Variants in ZNF492 observed in about 807,000 individuals in gnomAD.
ZNF492 encodes zinc finger protein 492.
In ZNF492, 3 loss-of-function variants were observed where a neutral mutation model predicts 6.4. That is an observed-to-expected ratio of 0.47 (90% confidence interval 0.21 to 1.22). ZNF492 has a LOEUF of 1.22. Among genes scored for constraint, ZNF492 ranks in the 50% most tolerant of loss-of-function variants. ZNF492 has a pLI of 0.22. For missense variants in ZNF492, 356 were observed against 612.5 expected, an observed-to-expected ratio of 0.58 and a Z score of 4.42; for synonymous variants, 112 against 205.3, an observed-to-expected ratio of 0.55 and a Z score of 3.89.
In ZNF492 at chr19:22,665,598, A is replaced by G. The variant is rs7247785; in HGVS notation, c.*333A>G. On this transcript the variant is annotated 3_prime_UTR_variant, in exon 4 of 4. Transcript: ENST00000456783. Reference sequence around the variant, plus strand: ...TATTTTGAAGACAAACATTACAAATATAAACGAAGTTGTGGTAACTTTACT... The same window carrying G: ...TATTTTGAAGACAAACATTACAAATGTAAACGAAGTTGTGGTAACTTTACT... The G allele has an allele frequency of 0.079, 20,318 of 257,190 alleles. 852 individuals carry two copies. The highest frequency in any genetic ancestry group is 0.1 in the Middle Eastern group (68 of 672). The allele number at this position is 257,190 out of a possible 1,614,324, so 15.9% of individuals were successfully genotyped here.
intron 1 of ZNF492, among the ~76,000 whole-genome samples, chr19:22,636,185 C>T (rs1335880827): frequency 2.0e-5 from 3 of 151,640 alleles, no homozygotes; most frequent in African/African-American, 7.3e-5. Context: ...CGGCAACCTC[C>T]GCCTCCCAGG....
At position 22,664,543 on chromosome 19, in the gene ZNF492, C is replaced by G. The variant is rs1183832236; in HGVS notation, c.874C>G (p.Gln292Glu). The G allele has an allele frequency of 6.3e-7, 1 of 1,583,624 alleles. No homozygotes were observed. The highest frequency in any genetic ancestry group is 1.4e-5 in the African/African-American group (1 of 73,184). ...KCEECGKAFS[Q>E]SSTLTTHKII... ...TGAAGAATGTGGCAAAGCTTTTAGC[C>G]AGTCCTCAACCCTTACTACACATAA... is the stretch of plus-strand genomic sequence containing the variant. The change falls in exon 4 of 4, where the codon CAG becomes GAG. Residue 292 changes from glutamine to glutamate, a missense_variant. By Grantham distance (29) the Gln-to-Glu change is conservative. This residue lies in a region of ZNF492 where 29 missense variants were observed against 56.8 expected (regional missense o/e 0.51). Transcript: ENST00000456783.
intron 3 of ZNF492, among the ~76,000 whole-genome samples, chr19:22,660,549 C>T (rs1599402537): frequency 6.7e-6 from 1 of 150,034 alleles, no homozygotes; most frequent in African/African-American, 2.5e-5. Context: ...TGAAATTTGT[C>T]TTTGATGTTG....
intron 3 of ZNF492, among the ~76,000 whole-genome samples, chr19:22,660,700 A>C (rs1029204417): frequency 6.6e-6 from 1 of 150,912 alleles, no homozygotes; most frequent in African/African-American, 2.4e-5. Flanking sequence ...ATGTATGTGC[A>C]TATCTTTCCT....
intron 1 of ZNF492, among the ~76,000 whole-genome samples, chr19:22,650,428 A>T (rs917649497): frequency 1.3e-4 from 19 of 151,436 alleles, no homozygotes; most frequent in African/African-American, 4.7e-4. Context: ...TTAATGAAGC[A>T]CTTTTATTGT....
chr19:22,660,110 G>A (rs62118818), intron 3 of ZNF492, among the ~76,000 whole-genome samples: 16,956 of 151,980 alleles, frequency 0.11, 995 homozygotes, highest in Middle Eastern at 0.16. Flanking sequence ...ATTAATATTT[G>A]CATGAAATGT....
chr19:22,645,370 GT>G (rs199965079), intron 1 of ZNF492, among the ~76,000 whole-genome samples: 1 of 151,650 alleles, frequency 6.6e-6, no homozygotes, highest in African/African-American at 2.4e-5. Flanking sequence ...TGATGGAATT[GT>G]TTTTTTTCTT....
rs1972115041 is a variant in ZNF492 at position 22,665,456 on chromosome 19, A to T, written c.*191A>T. The T allele has an allele frequency of 1.7e-6, 2 of 1,188,210 alleles. No individual in the cohort carries two copies. The highest frequency in any genetic ancestry group is 3.1e-5 in the Admixed American group (1 of 32,496). 73.6% of individuals were successfully genotyped at this position (1,188,210 alleles called of 1,614,324 possible). On this transcript the variant is annotated 3_prime_UTR_variant, in exon 4 of 4. Transcript: ENST00000456783. ...TGTACAAATATAAAGAAAGTAAAAA[A>T]GTGATTAATATCTGTGCACATCTTA...
At chr19:22,655,454 A>G (rs1265355533) in intron 3 of ZNF492, among the ~76,000 whole-genome samples, 1 of 152,006 alleles carries the variant, frequency 6.6e-6, no homozygotes, top group Non-Finnish European at 1.5e-5. Context: ...TGCTATTGTA[A>G]ATAAGATTGC....
chr19:22,644,328 C>G lies in ZNF492; in HGVS notation c.-93-8979C>G, dbSNP rs182085240. Among the ~76,000 whole-genome samples the G allele has an allele frequency of 2.0e-3, 312 of 152,238 alleles. 2 individuals carry two copies. Among genetic ancestry groups the G allele is most frequent in the African/African-American group, 7.3e-3 (302 of 41,546 alleles). On this transcript the variant is annotated intron_variant, in intron 1 of 3. Coordinates refer to ENST00000456783, the MANE Select transcript of ZNF492 (RefSeq NM_020855.3). ...GGTTTATTACATAGGTATATGTGTGCCACAGTGGTTTGCTGCACGTATTGA... is the reference window on the plus strand; with the variant it reads ...GGTTTATTACATAGGTATATGTGTGGCACAGTGGTTTGCTGCACGTATTGA...
rs369633123 is a variant in ZNF492 at position 22,664,629 on chromosome 19, G to T, written c.960G>T (p.Gln320His). The T allele has an allele frequency of 1.5e-5, 24 of 1,613,496 alleles. No individual in the cohort carries two copies. The highest frequency in any genetic ancestry group is 2.0e-5 in the Non-Finnish European group (24 of 1,179,864). Residue 320 changes from glutamine to histidine, a missense_variant, in exon 4 of 4, where the codon CAG becomes CAT. By Grantham distance (24) the Gln-to-His change is conservative (BLOSUM62 0). This residue lies in a region of ZNF492 where 29 missense variants were observed against 56.8 expected (regional missense o/e 0.51). Coordinates refer to ENST00000456783, the MANE Select transcript of ZNF492 (RefSeq NM_020855.3). ...KCEECGKAFSQLSHLTTHKRI... is the reference protein window; with the variant it reads ...KCEECGKAFSHLSHLTTHKRI... ...AAGAATGTGGTAAGGCCTTTAGCCAGTTATCCCACCTTACTACACATAAGA... is the reference window on the plus strand; with the variant it reads ...AAGAATGTGGTAAGGCCTTTAGCCATTTATCCCACCTTACTACACATAAGA...
chr19:22,661,307 C>T (rs1286956955), intron 3 of ZNF492, among the ~76,000 whole-genome samples: 2 of 151,788 alleles, frequency 1.3e-5, no homozygotes, highest in Non-Finnish European at 2.9e-5. Flanking sequence ...TATTATTCAA[C>T]TTATGAGTGT....
intron 1 of ZNF492, among the ~76,000 whole-genome samples, chr19:22,647,260 GTT>G (rs71180573): frequency 2.3e-5 from 3 of 132,930 alleles, no homozygotes; most frequent in Non-Finnish European, 1.6e-5. Flanking sequence ...GTTTGTTGTT[GTT>G]TTTTTTTTTT....
rs1048773296 is a variant in ZNF492, at chr19:22,634,494, C to T, written c.-94+20C>T. 4.4e-6 allele frequency: 6 copies of T among 1,376,660 alleles called. No individual in the cohort carries two copies. Among genetic ancestry groups the T allele is most frequent in the Non-Finnish European group, 5.1e-6 (5 of 978,892 alleles). 85.3% of individuals were successfully genotyped at this position (1,376,660 alleles called of 1,614,324 possible). On this transcript the variant is annotated intron_variant, in intron 1 of 3. Transcript: ENST00000456783. ...GAAACGGTGAGAGTGCCGGGTCCGA[C>T]ATCCCGAGAGAGGGGAAGGGGCTGG...
At chr19:22,657,485 T>C (rs937574976) in intron 3 of ZNF492, among the ~76,000 whole-genome samples, 11 of 152,126 alleles carry the variant, frequency 7.2e-5, no homozygotes, top group African/African-American at 1.9e-4. Flanking sequence ...TTTATGATTA[T>C]ACTGCATTTT....
At position 22,634,330 on chromosome 19, in the gene ZNF492, G is replaced by C. The variant is rs1335141819; in HGVS notation, c.-238G>C. Reference sequence around the variant, plus strand: ...GCTTCCGGGATGTGGCGGGGTCTTTGTCTCTCGCTGCAGTCGGAGTATGGT... The same window carrying C: ...GCTTCCGGGATGTGGCGGGGTCTTTCTCTCTCGCTGCAGTCGGAGTATGGT... On this transcript the variant is annotated 5_prime_UTR_variant, in exon 1 of 4. Transcript: ENST00000456783. 1.1e-6 allele frequency: 1 copy of C among 927,560 alleles called. No homozygotes were observed. The highest frequency in any genetic ancestry group is 1.6e-6 in the Non-Finnish European group (1 of 620,000). 57.5% of individuals were successfully genotyped at this position (927,560 alleles called of 1,614,324 possible). A position where few individuals can be genotyped will look rare whatever the true frequency, so the allele number is the denominator to read the frequency against.
intron 2 of ZNF492, 104 bp downstream of exon 2, chr19:22,653,537 T>C: frequency 2.1e-6 from 3 of 1,462,162 alleles, no homozygotes; most frequent in Non-Finnish European, 2.8e-6. Flanking sequence ...ATCTCTGTTT[T>C]TTGTTTTTAA....
chr19:22,661,010 A>G (rs1171447021), intron 3 of ZNF492, among the ~76,000 whole-genome samples: 3 of 151,196 alleles, frequency 2.0e-5, no homozygotes, highest in East Asian at 3.9e-4. Flanking sequence ...TCATAAGACT[A>G]TGTTTGTAAA....
intron 1 of ZNF492, among the ~76,000 whole-genome samples, chr19:22,636,249 G>A (rs1221887876): frequency 1.3e-5 from 2 of 151,918 alleles, no homozygotes; most frequent in Admixed American, 6.6e-5. Context: ...ACAGGCATGC[G>A]CCACCACTTC....
Sources: allele counts gnomAD v4.1 joint callset (sites outside exome capture counted in the v4.1 genomes callset), GRCh38; gene constraint gnomAD v4.1.1; regional missense constraint gnomAD v4.1.1; transcripts MANE v1.5; gene names NCBI Gene and HGNC (gene_info 2026-07-23, HGNC 2026-07-21).